Variants in NRG1 observed in about 807,000 individuals in gnomAD.
NRG1 encodes neuregulin 1.
Under a neutral mutation model 63.8 loss-of-function variants are expected in NRG1, and 18 were observed. The ratio of observed to expected loss-of-function variants is 0.28; its 90% CI spans 0.19 to 0.42. The LOEUF (loss-of-function observed/expected upper bound fraction) is 0.42. Among genes scored for constraint, NRG1 ranks in the 10% least tolerant of loss-of-function variants. NRG1 has a pLI of 1.00. For synonymous variants in NRG1, 302 were observed against 301.3 expected, an observed-to-expected ratio of 1.00 and a Z score of -0.02; for missense variants, 762 against 814.7, an observed-to-expected ratio of 0.94 and a Z score of 0.79.
intron 1 of NRG1, among the ~76,000 whole-genome samples, chr8:32,001,667 T>G (rs1186350973): frequency 6.6e-6 from 1 of 152,022 alleles, no homozygotes; most frequent in Non-Finnish European, 1.5e-5. Context: ...TTAGCTGCAA[T>G]GTTTTCTCAG....
intron 1 of NRG1, among the ~76,000 whole-genome samples, chr8:31,969,596 G>A (rs553257018): frequency 6.6e-6 from 1 of 152,222 alleles, no homozygotes; most frequent in Non-Finnish European, 1.5e-5. Flanking sequence ...AGAAAGCATG[G>A]AAGCTCATTT....
chr8:32,289,012 G>A (rs1434500578), intron 1 of NRG1, among the ~76,000 whole-genome samples: 1 of 152,162 alleles, frequency 6.6e-6, no homozygotes, highest in African/African-American at 2.4e-5. Flanking sequence ...GCACTTGCTG[G>A]CATGGTTCCT....
rs375747568 is a variant in NRG1 at position 31,768,783 on chromosome 8, T to A, written c.37+129352T>A. Reference sequence around the variant, plus strand: ...CGCAAACTTGGGTTCATCAGAAGAATCTGCTCCCCTTGTGAGCACAAATAA... The same window carrying A: ...CGCAAACTTGGGTTCATCAGAAGAAACTGCTCCCCTTGTGAGCACAAATAA... On this transcript the variant is annotated intron_variant, in intron 1 of 10. Coordinates refer to the NRG1 transcript ENST00000519301. Among the ~76,000 whole-genome samples the A allele has an allele frequency of 1.4e-3, 211 of 152,348 alleles. 2 individuals carry two copies. Among genetic ancestry groups the A allele is most frequent in the African/African-American group, 4.7e-3 (197 of 41,596 alleles).
intron 1 of NRG1, among the ~76,000 whole-genome samples, chr8:31,948,151 T>A (rs1446003395): frequency 6.6e-6 from 1 of 152,150 alleles, no homozygotes; most frequent in Admixed American, 6.5e-5. Flanking sequence ...AAATAAAAGT[T>A]ATTTACCAAA....
At chr8:32,553,208 A>G (rs1188041536) in intron 1 of NRG1, among the ~76,000 whole-genome samples, 1 of 152,152 alleles carries the variant, frequency 6.6e-6, no homozygotes, top group Non-Finnish European at 1.5e-5. Context: ...TATTATTATC[A>G]TGAGGGTTTC....
intron 1 of NRG1, among the ~76,000 whole-genome samples, chr8:32,307,218 C>T (rs148567927): frequency 1.6e-4 from 25 of 152,236 alleles, no homozygotes; most frequent in Non-Finnish European, 1.2e-4. Context: ...GAGAGGAAAA[C>T]CAGAGAGCAG....
intron 1 of NRG1, among the ~76,000 whole-genome samples, chr8:31,997,832 C>G (rs35118558): frequency 0.1 from 15,526 of 151,984 alleles, 979 homozygotes; most frequent in African/African-American, 0.15. Context: ...CTAATTCAAT[C>G]CTTGCAACCC....
chr8:32,229,243 G>A (rs938750338), intron 1 of NRG1, among the ~76,000 whole-genome samples: 10 of 152,256 alleles, frequency 6.6e-5, no homozygotes, highest in African/African-American at 2.4e-4. Context: ...GAAATGATGC[G>A]TGCCAAGAAA....
intron 1 of NRG1, among the ~76,000 whole-genome samples, chr8:32,551,473 C>T (rs1834096621): frequency 6.6e-6 from 1 of 152,314 alleles, no homozygotes; most frequent in South Asian, 2.1e-4. Context: ...CTCAGCCCCG[C>T]TGTGTGCTAT....
At chr8:31,785,472 G>A (rs151001001) in intron 1 of NRG1, among the ~76,000 whole-genome samples, 1 of 152,254 alleles carries the variant, frequency 6.6e-6, no homozygotes, top group African/African-American at 2.4e-5. Context: ...TGGTGTCATA[G>A]GGGTTAAAGG....
At chr8:31,814,885 T>C (rs13272629) in intron 1 of NRG1, among the ~76,000 whole-genome samples, 35,254 of 151,690 alleles carry the variant, frequency 0.23, 4,309 homozygotes, top group Admixed American at 0.26. Context: ...GGTGCCCCCC[T>C]GCAAGCCTCT....
At chr8:32,590,536 A>G (rs908309686) in intron 1 of NRG1, among the ~76,000 whole-genome samples, 3 of 152,142 alleles carry the variant, frequency 2.0e-5, no homozygotes, top group Non-Finnish European at 4.4e-5. Context: ...ACAAGTAAAA[A>G]TTTTTTTGCA....
At chr8:32,722,005 G>A (rs993472380) in intron 5 of NRG1, 6 of 1,548,234 alleles carry the variant, frequency 3.9e-6, no homozygotes, top group Non-Finnish European at 5.2e-6. Context: ...AGGAAAGTAT[G>A]CAGATTCCTA....
chr8:32,473,226 T>G (rs1267272923), intron 1 of NRG1, among the ~76,000 whole-genome samples: 3 of 152,234 alleles, frequency 2.0e-5, no homozygotes, highest in Non-Finnish European at 2.9e-5. Flanking sequence ...ATAATTACTA[T>G]TCTTTTTAAA....
chr8:32,566,938 C>G (rs1008801409), intron 1 of NRG1, among the ~76,000 whole-genome samples: 4 of 152,122 alleles, frequency 2.6e-5, no homozygotes, highest in African/African-American at 9.7e-5. Flanking sequence ...ACTACAACCT[C>G]CACAAACGAT....
At chr8:32,758,420 T>C (rs1302700929) in intron 9 of NRG1, among the ~76,000 whole-genome samples, 1 of 151,328 alleles carries the variant, frequency 6.6e-6, no homozygotes, top group Non-Finnish European at 1.5e-5. Context: ...CTGCTAAAAA[T>C]ACAAAAATTA....
intron 1 of NRG1, among the ~76,000 whole-genome samples, chr8:31,681,040 G>A (rs1314477285): frequency 6.6e-6 from 1 of 152,034 alleles, no homozygotes; most frequent in Non-Finnish European, 1.5e-5. Flanking sequence ...ACACATTTAT[G>A]TAAAATTCTT....
At chr8:32,121,043 G>A (rs566210443) in intron 1 of NRG1, among the ~76,000 whole-genome samples, 8 of 152,062 alleles carry the variant, frequency 5.3e-5, no homozygotes, top group African/African-American at 1.4e-4. Flanking sequence ...ATACTCATTC[G>A]TATCACAGAA....
At chr8:32,728,448 G>A (rs1270849885) in intron 6 of NRG1, 2 of 985,136 alleles carry the variant, frequency 2.0e-6, no homozygotes, top group Non-Finnish European at 2.4e-6. Flanking sequence ...GAATTAAGCT[G>A]TAAGATAATG....
Sources: gnomAD v4.1 joint callset for allele counts (sites outside exome capture counted in the v4.1 genomes callset) on GRCh38, gnomAD v4.1.1 for gene constraint, MANE v1.5 for transcripts, NCBI Gene and HGNC (gene_info 2026-07-23, HGNC 2026-07-21) for gene names.